The following DEUP1 variants were observed in gnomAD, a reference collection of about 807,000 sequenced individuals.
DEUP1 encodes coiled-coil domain containing 67.
DEUP1 carries 82 observed loss-of-function variants against 87.4 expected under a neutral mutation model. That is an observed-to-expected ratio of 0.94 (90% CI 0.78 to 1.13). DEUP1 has a LOEUF of 1.13. DEUP1 is among the 50% of genes most tolerant of loss of function. DEUP1 has a pLI of 0.00. For missense variants in DEUP1, 663 were observed against 681.5 expected (o/e 0.97, Z 0.30); for synonymous variants, 214 against 222.7 (o/e 0.96, Z 0.35).
intron 11 of DEUP1, among the ~76,000 whole-genome samples, chr11:93,398,846 A>G: frequency 6.6e-6 from 1 of 150,984 alleles, no homozygotes; most frequent in East Asian, 2.0e-4. Context: ...TCAGCCTCCC[A>G]AGCAGCTGGG....
rs772009163 is a variant in DEUP1, at chr11:93,408,367, A to G, written c.1463A>G (p.Tyr488Cys). The G allele has an allele frequency of 3.2e-6, 5 of 1,573,194 alleles. No individual in the cohort carries two copies. Among genetic ancestry groups the G allele is most frequent in the African/African-American group, 2.7e-5 (2 of 73,972 alleles). ...GKSTWTNQNTYEETGRYAYQS... is the reference protein window; with the variant it reads ...GKSTWTNQNTCEETGRYAYQS... ...TCAACCTGGACTAATCAAAACACCTATGAAGAAACAGGAAGATATGCCTAT... is the reference window on the plus strand; with the variant it reads ...TCAACCTGGACTAATCAAAACACCTGTGAAGAAACAGGAAGATATGCCTAT... Residue 488 changes from tyrosine (Y) to cysteine (C), a missense_variant, in exon 12 of 14, where the codon TAT (tyrosine) becomes TGT (cysteine). Tyr to Cys is a radical substitution (Grantham distance 194). Transcript: ENST00000298050.
intron 11 of DEUP1, among the ~76,000 whole-genome samples, chr11:93,397,750 A>G (rs900363772): frequency 6.6e-6 from 1 of 152,178 alleles, no homozygotes; most frequent in Admixed American, 6.5e-5. Context: ...GCATATGCAC[A>G]CATAAGGAGG....
At chr11:93,395,055 C>T (rs1050130030) in intron 10 of DEUP1, among the ~76,000 whole-genome samples, 2 of 152,126 alleles carry the variant, frequency 1.3e-5, no homozygotes, top group Non-Finnish European at 2.9e-5. Context: ...CTCCCCCACA[C>T]TTCATGTATT....
intron 5 of DEUP1, among the ~76,000 whole-genome samples, chr11:93,368,101 T>C (rs1261794562): frequency 6.6e-6 from 1 of 152,260 alleles, no homozygotes. Context: ...ATAATCATGC[T>C]GTATAACTGC....
At position 93,420,203 on chromosome 11, in the gene DEUP1, A is replaced by C. The variant is rs1451473157; in HGVS notation, c.1638+5089A>C. Among the ~76,000 whole-genome samples, 7 of 152,254 alleles carry C rather than the reference A, an allele frequency of 4.6e-5. No individual in the cohort carries two copies. In the East Asian group the frequency reaches 1.4e-3, roughly 29 times the overall value. On this transcript the variant is annotated intron_variant, in intron 13 of 13. Coordinates refer to ENST00000298050, the MANE Select transcript of DEUP1 (RefSeq NM_181645.4). ...AAACCAAATCCAGCAGCACATCAAA[A>C]AGCTTATCCACCATGATCAAGTGGG...
intron 8 of DEUP1, among the ~76,000 whole-genome samples, chr11:93,388,208 T>C (rs1946650788): frequency 6.6e-6 from 1 of 152,150 alleles, no homozygotes; most frequent in Non-Finnish European, 1.5e-5. Context: ...TGGTTGAAAT[T>C]TCTGAAGGTG....
intron 5 of DEUP1, among the ~76,000 whole-genome samples, chr11:93,367,917 AG>A (rs1945504106): frequency 6.6e-6 from 1 of 152,198 alleles, no homozygotes; most frequent in Admixed American, 6.5e-5. Context: ...GCACTTTGTC[AG>A]GCACTGTGAA....
Position 93,364,289 on chromosome 11 carries a change from T to C in DEUP1, c.427T>C (p.Leu143=). 1 of 1,607,386 alleles carries C rather than the reference T, an allele frequency of 6.2e-7. No homozygotes were observed. The highest frequency in any genetic ancestry group is 1.7e-4 in the Middle Eastern group (1 of 6,032). ...PFELSNLNQK[L]EEFRAKSREW... is the part of the protein sequence containing the mutation. ...TGAACTGAGCAATTTGAACCAGAAA[T>C]TAGAGGTGAGATATATTATCTTAGT... Residue 143 remains leucine (L), a synonymous_variant, in exon 5 of 14, where the codon TTA becomes CTA. Coordinates refer to ENST00000298050, the MANE Select transcript of DEUP1 (RefSeq NM_181645.4).
chr11:93,405,012 G>A (rs752167571), intron 11 of DEUP1, among the ~76,000 whole-genome samples: 1 of 151,712 alleles, frequency 6.6e-6, no homozygotes, highest in Non-Finnish European at 1.5e-5. Flanking sequence ...AAATTGCAGG[G>A]TTTTAAAAAT....
intron 2 of DEUP1, among the ~76,000 whole-genome samples, chr11:93,344,593 T>C (rs1353748893): frequency 4.6e-5 from 7 of 152,158 alleles, no homozygotes; most frequent in Non-Finnish European, 1.0e-4. Context: ...ATTTCTATTT[T>C]AGATATCTCA....
intron 13 of DEUP1, among the ~76,000 whole-genome samples, chr11:93,419,091 G>A (rs1415854178): frequency 1.3e-5 from 2 of 151,620 alleles, no homozygotes; most frequent in African/African-American, 4.9e-5. Context: ...TAGATGACGA[G>A]TTAGTGGGTG....
Position 93,364,172 on chromosome 11 carries a change from A to C in DEUP1, c.310A>C (p.Thr104Pro). Reference sequence around the variant, plus strand: ...CTGTGATTTACAGTTTTCCAAACTAACAAATAACTTTGAAAAACTGAGATT... The same window carrying C: ...CTGTGATTTACAGTTTTCCAAACTACCAAATAACTTTGAAAAACTGAGATT... Reference protein sequence around the residue: ...QSLKAQFSKLTNNFEKLRLHQ... With the variant: ...QSLKAQFSKLPNNFEKLRLHQ... Residue 104 changes from threonine to proline, a missense_variant, in exon 5 of 14, where the codon ACA (threonine) becomes CCA (proline). Coordinates refer to ENST00000298050, the MANE Select transcript of DEUP1 (RefSeq NM_181645.4). 1.3e-6 allele frequency: 2 copies of C among 1,588,382 alleles called. No homozygotes were observed. The highest frequency in any genetic ancestry group is 1.7e-6 in the Non-Finnish European group (2 of 1,160,880).
intron 2 of DEUP1, among the ~76,000 whole-genome samples, chr11:93,345,041 A>G (rs1944276192): frequency 6.6e-6 from 1 of 151,996 alleles, no homozygotes; most frequent in Non-Finnish European, 1.5e-5. Context: ...CTGAGTGTCT[A>G]TTGTTCCCTT....
intron 4 of DEUP1, 55 bp downstream of exon 4, chr11:93,357,098 C>A (rs1278928086): frequency 9.2e-7 from 1 of 1,085,798 alleles, no homozygotes; most frequent in Non-Finnish European, 1.3e-6. Context: ...TTTTTTTTAC[C>A]TGTAGAGTTG....
intron 13 of DEUP1, among the ~76,000 whole-genome samples, chr11:93,429,046 T>G (rs1484431310): frequency 1.3e-5 from 2 of 152,166 alleles, no homozygotes; most frequent in Non-Finnish European, 2.9e-5. Flanking sequence ...CCGTTCAATT[T>G]CCTCACTTAA....
intron 4 of DEUP1, among the ~76,000 whole-genome samples, chr11:93,362,984 C>CA (rs1268696584): frequency 6.6e-6 from 1 of 151,546 alleles, no homozygotes; most frequent in South Asian, 2.1e-4. Flanking sequence ...TTACAGTAGA[C>CA]AAAAACTGGA....
Position 93,334,640 on chromosome 11 carries a change from A to G in DEUP1, c.29+2352A>G, listed in dbSNP as rs532657441. Among the ~76,000 whole-genome samples the G allele has an allele frequency of 2.6e-5, 4 of 152,316 alleles. No individual in the cohort carries two copies. In the South Asian group the frequency reaches 6.2e-4, roughly 24 times the overall value. On this transcript the variant is annotated intron_variant, in intron 2 of 13. Coordinates refer to ENST00000298050, the MANE Select transcript of DEUP1 (RefSeq NM_181645.4). ...GCAGGAGCAGAAAGTGCCAAGGCCT[A>G]TGGTGGGAGCTTTCCCACAGAACAT...
intron 12 of DEUP1, among the ~76,000 whole-genome samples, chr11:93,414,486 G>A (rs557017437): frequency 5.9e-5 from 9 of 152,096 alleles, no homozygotes; most frequent in South Asian, 2.1e-4. Flanking sequence ...CAGCCTAGGC[G>A]ACAGAGCAAG....
chr11:93,400,759 A>G (rs1332253863), intron 11 of DEUP1, among the ~76,000 whole-genome samples: 1 of 152,162 alleles, frequency 6.6e-6, no homozygotes, highest in Admixed American at 6.6e-5. Context: ...CATGAAAGCA[A>G]GCTGGCTTCA....
Sources: allele counts gnomAD v4.1 joint callset (sites outside exome capture counted in the v4.1 genomes callset), GRCh38; gene constraint gnomAD v4.1.1; transcripts MANE v1.5; gene names NCBI Gene and HGNC (gene_info 2026-07-23, HGNC 2026-07-21).